Variants in BABAM2 observed in about 807,000 individuals in gnomAD.
BABAM2 encodes the protein BRISC and BRCA1-A complex member 2.
In BABAM2, 31 loss-of-function variants were observed where a neutral mutation model predicts 54.7. The ratio of observed to expected loss-of-function variants is 0.57; its 90% confidence interval spans 0.43 to 0.77. BABAM2 has a LOEUF of 0.77. Ranked by LOEUF, BABAM2 falls within the 30% of genes least tolerant of loss-of-function variation. The probability of loss-of-function intolerance (pLI) is 0.00; values close to 1 mark genes in which losing one functional copy is unlikely to be tolerated. For synonymous variants in BABAM2, 167 were observed against 162.9 expected (o/e 1.03, Z -0.19); for missense variants, 364 against 455.8 (o/e 0.80, Z 1.83).
chr2:28,087,001 A>T (rs1260844243), intron 6 of BABAM2, among the ~76,000 whole-genome samples: 1 of 152,214 alleles, frequency 6.6e-6, no homozygotes. Flanking sequence ...ATTAATTTTA[A>T]TATCAGTTTA....
chr2:27,971,149 T>G (rs183155580), intron 3 of BABAM2, among the ~76,000 whole-genome samples: 1 of 152,138 alleles, frequency 6.6e-6, no homozygotes, highest in Non-Finnish European at 1.5e-5. Context: ...AGTGACACTT[T>G]GGGACTGTAT....
In BABAM2 at chr2:28,292,158, G is replaced by A. The variant is rs777436552; in HGVS notation, c.935-6180G>A. 2.6e-5 allele frequency among the ~76,000 whole-genome samples: 4 copies of A among 152,310 alleles called. No homozygotes were observed. The East Asian group carries it at 5.8e-4, about 22-fold the overall frequency. On this transcript the variant is annotated intron_variant, in intron 10 of 11. Coordinates refer to ENST00000379624, the MANE Select transcript of BABAM2 (RefSeq NM_199191.3). The stretch of plus-strand genomic sequence containing the variant: ...GCCGACCCAAGATATGGGGGAAAGC[G>A]CAGAAATATATAGTTTGGAAGGTTT...
intron 7 of BABAM2, among the ~76,000 whole-genome samples, chr2:28,176,289 G>A (rs942462457): frequency 1.2e-4 from 18 of 152,006 alleles, no homozygotes; most frequent in Admixed American, 1.3e-4. Context: ...AAGCTCACTG[G>A]CCAGGCACGG....
chr2:28,091,637 TTTTC>T (rs1328050857), intron 6 of BABAM2, among the ~76,000 whole-genome samples: 2 of 152,164 alleles, frequency 1.3e-5, no homozygotes, highest in African/African-American at 2.4e-5. Context: ...CTTGGAGAAG[TTTTC>T]TTTCTGAGTC....
At chr2:28,188,378 C>T (rs1390448951) in intron 7 of BABAM2, among the ~76,000 whole-genome samples, 2 of 152,068 alleles carry the variant, frequency 1.3e-5, no homozygotes, top group Admixed American at 6.5e-5. Context: ...GGGAGGGAAC[C>T]CTACATTTTA....
chr2:28,183,098 T>C (rs1457218362), intron 7 of BABAM2, among the ~76,000 whole-genome samples: 1 of 152,208 alleles, frequency 6.6e-6, no homozygotes, highest in Middle Eastern at 3.2e-3. Flanking sequence ...AAGTATATCA[T>C]ATTAATGGTT....
At chr2:27,898,376 CT>C (rs1280250955) in intron 2 of BABAM2, among the ~76,000 whole-genome samples, 1 of 152,096 alleles carries the variant, frequency 6.6e-6, no homozygotes, top group Non-Finnish European at 1.5e-5. Context: ...ATGGGGTGAG[CT>C]TGGAGAAAAG....
intron 6 of BABAM2, among the ~76,000 whole-genome samples, chr2:28,125,299 TA>T (rs1203071132): frequency 3.3e-5 from 5 of 151,956 alleles, no homozygotes; most frequent in Admixed American, 2.0e-4. Flanking sequence ...ATTTTATTAT[TA>T]TTATTTTTTT....
At chr2:28,333,458 T>C (rs1045583476) in intron 11 of BABAM2, among the ~76,000 whole-genome samples, 19 of 152,280 alleles carry the variant, frequency 1.2e-4, no homozygotes, top group African/African-American at 4.3e-4. Context: ...GTAGACCCCC[T>C]GACTCCTGAT....
chr2:28,177,736 T>C (rs1573762303), intron 7 of BABAM2, among the ~76,000 whole-genome samples: 1 of 150,194 alleles, frequency 6.7e-6, no homozygotes, highest in Non-Finnish European at 1.5e-5. Flanking sequence ...AATTATATGC[T>C]GCCTAAAAAA....
intron 11 of BABAM2, among the ~76,000 whole-genome samples, chr2:28,315,778 C>T (rs955114043): frequency 2.6e-5 from 4 of 151,984 alleles, no homozygotes; most frequent in Admixed American, 6.6e-5. Flanking sequence ...CAGGCATAAG[C>T]CGCCTCACCC....
At chr2:28,151,916 C>T (rs975296243) in intron 7 of BABAM2, among the ~76,000 whole-genome samples, 2 of 152,178 alleles carry the variant, frequency 1.3e-5, no homozygotes, top group Admixed American at 1.3e-4. Flanking sequence ...TGTTCGTGGG[C>T]ACTGACACCT....
chr2:27,987,288 A>G (rs1417511485), intron 3 of BABAM2, among the ~76,000 whole-genome samples: 1 of 152,248 alleles, frequency 6.6e-6, no homozygotes, highest in Admixed American at 6.5e-5. Flanking sequence ...TCCATTATAC[A>G]AAAGTATGTA....
chr2:27,920,373 G>T (rs1265126287), intron 2 of BABAM2, among the ~76,000 whole-genome samples: 1 of 152,150 alleles, frequency 6.6e-6, no homozygotes, highest in Non-Finnish European at 1.5e-5. Flanking sequence ...TAGATGTTAA[G>T]ATACCCTTTG....
intron 3 of BABAM2, among the ~76,000 whole-genome samples, chr2:27,983,893 TG>T (rs1169719382): frequency 2.6e-5 from 4 of 151,022 alleles, no homozygotes; most frequent in African/African-American, 9.7e-5. Context: ...TTATGTCATC[TG>T]TAGATAGAGA....
intron 10 of BABAM2, among the ~76,000 whole-genome samples, chr2:28,253,887 A>G (rs1683721971): frequency 6.6e-6 from 1 of 152,182 alleles, no homozygotes; most frequent in Admixed American, 6.5e-5. Flanking sequence ...TTGTTCACTT[A>G]TAATCCCCTG....
intron 10 of BABAM2, among the ~76,000 whole-genome samples, chr2:28,271,634 A>G (rs1375960687): frequency 6.6e-6 from 1 of 152,156 alleles, no homozygotes; most frequent in African/African-American, 2.4e-5. Flanking sequence ...TTTGAAAAGG[A>G]TTTTGGATAA....
At chr2:28,008,620 C>T (rs1027258930) in intron 4 of BABAM2, among the ~76,000 whole-genome samples, 3 of 152,064 alleles carry the variant, frequency 2.0e-5, no homozygotes, top group African/African-American at 4.8e-5. Context: ...ATCACAAAAA[C>T]ATTTGAGAGA....
chr2:28,317,929 T>G (rs549118835), intron 11 of BABAM2, among the ~76,000 whole-genome samples: 1 of 152,330 alleles, frequency 6.6e-6, no homozygotes, highest in East Asian at 1.9e-4. Flanking sequence ...GTTATATCTC[T>G]GCAGGCTGAG....
Sources: gnomAD v4.1 joint callset for allele counts (sites outside exome capture counted in the v4.1 genomes callset) on GRCh38, gnomAD v4.1.1 for gene constraint, MANE v1.5 for transcripts, NCBI Gene and HGNC (gene_info 2026-07-23, HGNC 2026-07-21) for gene names.